The following MACROD2 variants were observed in gnomAD, a reference collection of about 807,000 sequenced individuals.
MACROD2 encodes the protein ADP-ribose glycohydrolase MACROD2.
A neutral mutation model predicts 70.4 loss-of-function variants in MACROD2; 36 were observed. The ratio of observed to expected loss-of-function variants is 0.51; its 90% CI spans 0.39 to 0.68. The LOEUF is 0.68. MACROD2 is among the 30% of genes least tolerant of loss of function. The pLI is 0.00. For synonymous variants in MACROD2, 172 were observed against 178.8 expected (o/e 0.96, Z 0.30); for missense variants, 496 against 538.4 (o/e 0.92, Z 0.78).
chr20:15,765,453 A>T (rs1487616067), intron 8 of MACROD2, among the ~76,000 whole-genome samples: 1 of 152,338 alleles, frequency 6.6e-6, no homozygotes, highest in Non-Finnish European at 1.5e-5. Context: ...TCTAATTTTC[A>T]TAACAGAAAC....
intron 5 of MACROD2, among the ~76,000 whole-genome samples, chr20:15,064,646 G>A (rs1308187129): frequency 3.3e-5 from 5 of 151,976 alleles, no homozygotes; most frequent in African/African-American, 4.8e-5. Context: ...GCCACTCCAC[G>A]CATAGCAATC....
At chr20:15,846,097 TC>T (rs773781904) in intron 8 of MACROD2, among the ~76,000 whole-genome samples, 2 of 152,238 alleles carry the variant, frequency 1.3e-5, no homozygotes, top group Non-Finnish European at 2.9e-5. Flanking sequence ...ACACTTTTTA[TC>T]CTAACATAGG....
At chr20:15,892,014 C>T (rs190058819) in intron 10 of MACROD2, among the ~76,000 whole-genome samples, 2 of 152,202 alleles carry the variant, frequency 1.3e-5, no homozygotes, top group African/African-American at 4.8e-5. Flanking sequence ...CTGTAACCTT[C>T]GATTGAGGGA....
chr20:14,308,544 T>C (rs1443321905), intron 3 of MACROD2, among the ~76,000 whole-genome samples: 1 of 152,130 alleles, frequency 6.6e-6, no homozygotes, highest in Non-Finnish European at 1.5e-5. Context: ...AAACTGGACT[T>C]ATTATTAGCA....
intron 3 of MACROD2, among the ~76,000 whole-genome samples, chr20:14,344,947 G>A (rs1231857222): frequency 6.6e-6 from 1 of 152,252 alleles, no homozygotes; most frequent in Non-Finnish European, 1.5e-5. Flanking sequence ...GTGCTCACGT[G>A]TAATCCTGTC....
At chr20:15,103,845 G>A (rs367809120) in intron 5 of MACROD2, among the ~76,000 whole-genome samples, 28 of 152,092 alleles carry the variant, frequency 1.8e-4, no homozygotes, top group African/African-American at 6.5e-4. Flanking sequence ...ACTGAATAAA[G>A]GGAATCCAGG....
intron 7 of MACROD2, among the ~76,000 whole-genome samples, chr20:15,479,596 G>A (rs1041422695): frequency 6.6e-6 from 1 of 152,080 alleles, no homozygotes; most frequent in East Asian, 1.9e-4. Flanking sequence ...TTAACCCTTG[G>A]CATTATTATT....
At position 15,060,708 on chromosome 20, in the gene MACROD2, C is replaced by T. The variant is rs1026367486; in HGVS notation, c.419-169232C>T. Among the ~76,000 whole-genome samples, 4 of 152,182 alleles carry T rather than the reference C, an allele frequency of 2.6e-5. No individual in the cohort carries two copies. In the East Asian group the frequency reaches 5.8e-4, roughly 22 times the overall value. On this transcript the variant is annotated intron_variant, in intron 5 of 17. Transcript: ENST00000684519. ...ATTACTGAAGCCCAGTTTCTCTGGA[C>T]ATCAAAGTTCTCATTTAGAACAAAG... is the stretch of plus-strand genomic sequence containing the variant.
chr20:15,229,889 A>G, intron 5 of MACROD2, 51 bp from the exon 6 acceptor site: 1 of 1,542,858 alleles, frequency 6.5e-7, no homozygotes, highest in Non-Finnish European at 8.7e-7. Context: ...TATGTAAAAA[A>G]AGTGAAAAAT....
chr20:15,210,013 A>T (rs952061607), intron 5 of MACROD2, among the ~76,000 whole-genome samples: 1 of 152,248 alleles, frequency 6.6e-6, no homozygotes, highest in East Asian at 1.9e-4. Context: ...ATCAGCTAAC[A>T]TAACCACATC....
At chr20:15,259,753 CT>C (rs202198530) in intron 6 of MACROD2, among the ~76,000 whole-genome samples, 27 of 151,646 alleles carry the variant, frequency 1.8e-4, no homozygotes, top group African/African-American at 5.8e-4. Flanking sequence ...ACACCATAGG[CT>C]TTTTTTTCCC....
intron 3 of MACROD2, among the ~76,000 whole-genome samples, chr20:14,252,697 C>T (rs1289282456): frequency 6.6e-6 from 1 of 151,940 alleles, no homozygotes; most frequent in East Asian, 1.9e-4. Context: ...TGAATATTAT[C>T]TCATGTTCTT....
At chr20:15,087,335 A>T (rs933297637) in intron 5 of MACROD2, among the ~76,000 whole-genome samples, 2 of 152,070 alleles carry the variant, frequency 1.3e-5, no homozygotes, top group Non-Finnish European at 2.9e-5. Flanking sequence ...AGCTACTATA[A>T]TCTAAATACC....
intron 5 of MACROD2, among the ~76,000 whole-genome samples, chr20:14,718,639 C>G (rs1191264305): frequency 6.6e-6 from 1 of 152,034 alleles, no homozygotes; most frequent in Non-Finnish European, 1.5e-5. Context: ...GATGGGAAAC[C>G]TGGTTTAAAC....
chr20:15,771,883 G>C lies in MACROD2; in HGVS notation c.646-90862G>C, dbSNP rs554562865. The stretch of plus-strand genomic sequence containing the variant: ...GCGGATCAAAAGGTCGGGAGATCAA[G>C]ACCATCCTTGGCTAACACGGTGAAA... On this transcript the variant is annotated intron_variant, in intron 8 of 17. Transcript: ENST00000684519. 2.8e-3 allele frequency among the ~76,000 whole-genome samples: 373 copies of C among 134,820 alleles called. 2 individuals carry two copies. The highest frequency in any genetic ancestry group is 0.011 in the African/African-American group (364 of 32,178). 88.4% of individuals were successfully genotyped at this position (134,820 alleles called of 152,430 possible).
chr20:14,945,884 A>C (rs1301185403), intron 5 of MACROD2, among the ~76,000 whole-genome samples: 2 of 152,162 alleles, frequency 1.3e-5, no homozygotes, highest in Non-Finnish European at 2.9e-5. Flanking sequence ...ATTATTGTTG[A>C]TGAAATTTAT....
At chr20:16,035,197 T>TAA (rs1555811414) in intron 15 of MACROD2, among the ~76,000 whole-genome samples, 3 of 126,698 alleles carry the variant, frequency 2.4e-5, no homozygotes, top group East Asian at 4.5e-4. Context: ...ATATAAAATA[T>TAA]AATATAAAAT....
intron 8 of MACROD2, among the ~76,000 whole-genome samples, chr20:15,776,747 A>G (rs1462512182): frequency 6.6e-6 from 1 of 152,202 alleles, no homozygotes; most frequent in African/African-American, 2.4e-5. Context: ...CTCCAAAACT[A>G]CATTTCTATT....
intron 5 of MACROD2, among the ~76,000 whole-genome samples, chr20:15,053,031 C>T (rs1320993795): frequency 1.3e-5 from 2 of 152,232 alleles, no homozygotes; most frequent in Admixed American, 6.5e-5. Flanking sequence ...AACGCCCTAA[C>T]TCTCTTCAGT....
Sources: gnomAD v4.1 joint callset for allele counts (sites outside exome capture counted in the v4.1 genomes callset) on GRCh38, gnomAD v4.1.1 for gene constraint, MANE v1.5 for transcripts, NCBI Gene and HGNC (gene_info 2026-07-23, HGNC 2026-07-21) for gene names.